The following MSLN variants were observed in gnomAD, a reference collection of about 807,000 sequenced individuals.
The protein encoded by MSLN is CAK1 antigen.
A neutral mutation model predicts 72.6 loss-of-function variants in MSLN; 82 were observed. The observed-to-expected ratio is 1.13, with a 90% CI of 0.94 to 1.36. The LOEUF (loss-of-function observed/expected upper bound fraction) is 1.36. Ranked by LOEUF, MSLN falls within the 40% of genes most tolerant of loss-of-function variation. The probability of loss-of-function intolerance (pLI) is 0.00; values close to 1 mark genes in which losing one functional copy is unlikely to be tolerated. For synonymous variants in MSLN, 456 were observed against 387.3 expected (o/e 1.18, Z -2.08); for missense variants, 1,005 against 847.9 (o/e 1.19, Z -2.30).
chr16:767,138 C>A (rs1032278684), intron 15 of MSLN, 126 bp downstream of exon 15: 1 of 1,463,426 alleles, frequency 6.8e-7, no homozygotes, highest in African/African-American at 1.4e-5. Context: ...GTCACCCGCC[C>A]TCTGCCCCCC....
Position 766,969 on chromosome 16 carries a change from C to T in MSLN, c.1458C>T (p.Asn486=), listed in dbSNP as rs539813186. The T allele has an allele frequency of 6.2e-7, 1 of 1,612,698 alleles. No individual in the cohort carries two copies. Among genetic ancestry groups the T allele is most frequent in the East Asian group, 2.2e-5 (1 of 44,876 alleles). The change falls in exon 15 of 18, where the codon AAC becomes AAT. Residue 486 remains asparagine (N), a synonymous_variant. Transcript: ENST00000545450. ...CCAAGGCCCGCCTTGCTTTCCAGAA[C>T]ATGAACGGGTCCGAATACTTCGTGA... ...LYPKARLAFQ[N]MNGSEYFVKI...
At chr16:763,548 C>A in intron 4 of MSLN, 94 bp from the exon 5 acceptor site, 1 of 1,279,888 alleles carries the variant, frequency 7.8e-7, no homozygotes, top group African/African-American at 1.5e-5. Flanking sequence ...AGTAGCTGAA[C>A]TCGGGGAGTA....
At chr16:768,072 G>GA (rs2041662580) in intron 16 of MSLN, among the ~76,000 whole-genome samples, 1 of 117,376 alleles carries the variant, frequency 8.5e-6, no homozygotes, top group East Asian at 2.7e-4. Context: ...GCACATGGAG[G>GA]GGGGGGCAAG....
chr16:765,208 G>C lies in MSLN; in HGVS notation c.609G>C (p.Val203=). ...GCTTTGTGGCCGAGTCGGCCGAAGTGCTGCTACCCCGGCTGGTGAGCTGCC... is the reference window on the plus strand; with the variant it reads ...GCTTTGTGGCCGAGTCGGCCGAAGTCCTGCTACCCCGGCTGGTGAGCTGCC... The part of the protein sequence containing the change: ...PGRFVAESAE[V]LLPRLVSCPG... Residue 203 remains valine (V), a synonymous_variant, in exon 9 of 18, where the codon GTG becomes GTC. Coordinates refer to ENST00000545450, the MANE Select transcript of MSLN (RefSeq NM_005823.6). The C allele has an allele frequency of 6.3e-7, 1 of 1,590,654 alleles. No homozygotes were observed. The highest frequency in any genetic ancestry group is 2.3e-5 in the East Asian group (1 of 44,298).
At chr16:760,942 C>CA in intron 1 of MSLN, 121 bp downstream of exon 1, 1 of 152,250 alleles carries the variant, frequency 6.6e-6, no homozygotes, top group Non-Finnish European at 1.5e-5. Context: ...AAGCTCCCTA[C>CA]CCAACTGCGC....
At position 767,371 on chromosome 16, in the gene MSLN, G is replaced by T. The variant is rs1388398620; in HGVS notation, c.1502-5G>T. ...CTCAGCTCGGGCCCCTCTCCCGGCGGGCAGGTGGGGCCCCCACGGAGGATT... is the reference window on the plus strand; with the variant it reads ...CTCAGCTCGGGCCCCTCTCCCGGCGTGCAGGTGGGGCCCCCACGGAGGATT... On this transcript the variant is annotated splice_polypyrimidine_tract_variant and splice_region_variant and intron_variant, in intron 15 of 17. Transcript: ENST00000545450. 6.2e-7 allele frequency: 1 copy of T among 1,610,956 alleles called. No individual in the cohort carries two copies. Among genetic ancestry groups the T allele is most frequent in the East Asian group, 2.2e-5 (1 of 44,686 alleles).
chr16:762,381 C>A, intron 2 of MSLN: 1 of 441,306 alleles, frequency 2.3e-6, no homozygotes, highest in Non-Finnish European at 4.1e-6. Flanking sequence ...CTAAGCTCTG[C>A]TCACACTGCC....
chr16:763,870 C>T (rs1287646470), intron 5 of MSLN, among the ~76,000 whole-genome samples, 153 bp from the exon 6 acceptor site: 5 of 40,638 alleles, frequency 1.2e-4, no homozygotes, highest in Non-Finnish European at 2.7e-4. Flanking sequence ...TGGCAACTCC[C>T]GGCCCTTGAG....
In MSLN at chr16:764,136, C is replaced by T. The variant is rs1283898308; in HGVS notation, c.293C>T (p.Thr98Ile). 11 of 1,603,770 alleles carry T rather than the reference C, an allele frequency of 6.9e-6. No homozygotes were observed. Among genetic ancestry groups the T allele is most frequent in the Middle Eastern group, 1.7e-4 (1 of 6,050 alleles). ...ALAQKNVKLSTEQLRCLAHRL... is the reference protein window; with the variant it reads ...ALAQKNVKLSIEQLRCLAHRL... ...GCACAGAAGAATGTCAAGCTCTCAA[C>T]AGAGCAGGTCAGTCTCAGTTGGGCT... is the stretch of plus-strand genomic sequence containing the variant. The change falls in exon 6 of 18, where the codon ACA becomes ATA. Residue 98 changes from threonine (T) to isoleucine (I), a missense_variant. Thr to Ile is a moderately conservative substitution (Grantham distance 89). Coordinates refer to ENST00000545450, the MANE Select transcript of MSLN (RefSeq NM_005823.6).
At chr16:767,330 G>A (rs2041628715) in intron 15 of MSLN, 46 bp from the exon 16 acceptor site, 2 of 1,527,494 alleles carry the variant, frequency 1.3e-6, no homozygotes, top group East Asian at 2.3e-5. Flanking sequence ...AAGGGCCTGG[G>A]GGTGTGAGGT....
chr16:768,459 G>GC lies in MSLN; in HGVS notation c.1678dup (p.Arg560ProfsTer?). ...AGGCGGAGGAGCGGCACCGCCCGGTGCGGGACTGGATCCTACGGCAGCGGC... is the reference window on the plus strand; with the variant it reads ...AGGCGGAGGAGCGGCACCGCCCGGTGCCGGGACTGGATCCTACGGCAGCGGC... On this transcript the variant is annotated frameshift_variant, in exon 17 of 18. Transcript: ENST00000545450. LOFTEE classifies it high-confidence loss of function. 6.4e-7 allele frequency: 1 copy of GC among 1,556,456 alleles called. No homozygotes were observed. Among genetic ancestry groups the GC allele is most frequent in the Non-Finnish European group, 8.7e-7 (1 of 1,148,416 alleles).
intron 17 of MSLN, 24 bp downstream of exon 17, chr16:768,589 G>T (rs757842095): frequency 2.6e-5 from 42 of 1,609,670 alleles, no homozygotes; most frequent in Non-Finnish European, 3.4e-5. Context: ...CCAGGCCAGG[G>T]CTGGGGGCAG....
At chr16:763,592 T>C in intron 4 of MSLN, 50 bp from the exon 5 acceptor site, 1 of 1,539,494 alleles carries the variant, frequency 6.5e-7, no homozygotes, top group Non-Finnish European at 8.8e-7. Flanking sequence ...TGGGAACTCC[T>C]GCTCCAGAGA....
At chr16:764,321 C>T (rs1235898064) in intron 6 of MSLN, among the ~76,000 whole-genome samples, 178 bp downstream of exon 6, 5 of 152,224 alleles carry the variant, frequency 3.3e-5, no homozygotes, top group African/African-American at 7.2e-5. Context: ...TGCCTGTCCA[C>T]GTCAGGGGCT....
Position 764,665 on chromosome 16 carries a change from C to A in MSLN, c.319C>A (p.Arg107=). Reference sequence around the variant, plus strand: ...CCTGCAGCTGCGCTGTCTGGCTCACCGGCTCTCTGAGCCCCCCGAGGACCT... The same window carrying A: ...CCTGCAGCTGCGCTGTCTGGCTCACAGGCTCTCTGAGCCCCCCGAGGACCT... ...STEQLRCLAH[R]LSEPPEDLDA... The change falls in exon 7 of 18, where the codon CGG becomes AGG. Residue 107 remains arginine (R), a synonymous_variant. Coordinates refer to ENST00000545450, the MANE Select transcript of MSLN (RefSeq NM_005823.6). 1 of 1,612,366 alleles carries A rather than the reference C, an allele frequency of 6.2e-7. No individual in the cohort carries two copies. The highest frequency in any genetic ancestry group is 2.2e-5 in the East Asian group (1 of 44,872).
chr16:763,944 G>T (rs554275908), intron 5 of MSLN, 79 bp from the exon 6 acceptor site: 2 of 1,564,346 alleles, frequency 1.3e-6, no homozygotes, highest in Non-Finnish European at 1.7e-6. Context: ...GAGAGGTGGG[G>T]CTGTGGGGCT....
At position 765,539 on chromosome 16, in the gene MSLN, ATGGTC is replaced by A. The variant is rs774909979; in HGVS notation, c.720_724del (p.Trp240CysfsTer44). ...CGTGTCTGCACAGCCCCCCGTCGAC[ATGGTC>A]TGTCTCCACGATGGACGCTCTGCGG... On this transcript the variant is annotated frameshift_variant, in exon 10 of 18. Coordinates refer to ENST00000545450, the MANE Select transcript of MSLN (RefSeq NM_005823.6). LOFTEE classifies it high-confidence loss of function. The A allele has an allele frequency of 6.2e-7, 1 of 1,606,182 alleles. No individual in the cohort carries two copies. The highest frequency in any genetic ancestry group is 1.3e-5 in the African/African-American group (1 of 74,862).
intron 1 of MSLN, 35 bp from the exon 2 acceptor site, chr16:761,038 A>C (rs1452487498): frequency 1.3e-5 from 2 of 152,222 alleles, no homozygotes; most frequent in Non-Finnish European, 2.9e-5. Context: ...CCGCGATCTG[A>C]AAGGGGCTGT....
chr16:764,814 C>A (rs2041582849), intron 7 of MSLN, 88 bp downstream of exon 7: 13 of 1,583,530 alleles, frequency 8.2e-6, no homozygotes, highest in Non-Finnish European at 1.0e-5. Flanking sequence ...GGATCCCAGG[C>A]CACAGCAGAG....
Sources: gnomAD v4.1 joint callset for allele counts (sites outside exome capture counted in the v4.1 genomes callset) on GRCh38, gnomAD v4.1.1 for gene constraint, MANE v1.5 for transcripts, NCBI Gene and HGNC (gene_info 2026-07-23, HGNC 2026-07-21) for gene names.